Variants in GABRB3 observed in about 807,000 individuals in gnomAD.
GABRB3 encodes the protein gamma-aminobutyric acid receptor subunit beta-3.
A neutral mutation model predicts 52.1 loss-of-function variants in GABRB3; 14 were observed. That is an observed-to-expected ratio of 0.27 (90% CI 0.18 to 0.42). The LOEUF (loss-of-function observed/expected upper bound fraction) is 0.42, where lower values mean the gene tolerates loss of function less well. GABRB3 is among the 10% of genes least tolerant of loss of function. The pLI is 1.00. For synonymous variants in GABRB3, 260 were observed against 232.3 expected (o/e 1.12, Z -1.08); for missense variants, 307 against 609.1 (o/e 0.50, Z 5.22).
At chr15:26,772,312 A>T in intron 3 of GABRB3, 90 bp downstream of exon 3, 4 of 1,164,750 alleles carry the variant, frequency 3.4e-6, no homozygotes, top group Non-Finnish European at 4.9e-6. Context: ...GCCCCGGCCG[A>T]AGAGGCCTCC....
At chr15:26,548,356 T>A (rs1889338424) in intron 8 of GABRB3, among the ~76,000 whole-genome samples, 1 of 152,256 alleles carries the variant, frequency 6.6e-6, no homozygotes, top group East Asian at 1.9e-4. Context: ...ATGTAAGAGA[T>A]TAGATGAAAT....
intron 3 of GABRB3, among the ~76,000 whole-genome samples, chr15:26,748,838 C>T (rs1890421647): frequency 6.6e-6 from 1 of 152,000 alleles, no homozygotes; most frequent in Admixed American, 6.6e-5. Flanking sequence ...CCAGCCTTGC[C>T]AACGTGGTGA....
chr15:26,755,206 C>T (rs1025349782), intron 3 of GABRB3, among the ~76,000 whole-genome samples: 10 of 151,900 alleles, frequency 6.6e-5, no homozygotes, highest in Non-Finnish European at 1.3e-4. Context: ...GGGGTTTCAC[C>T]ATGTTGGCCA....
rs369717607 is a variant in GABRB3, at chr15:26,769,576, A to G, written c.240+2826T>C. ...CTTCGTCTCTGGAATCTCCCCTTCT[A>G]AATCTCTGATCCTGCTCATCCACCC... On this transcript the variant is annotated intron_variant, in intron 3 of 8. Transcript: ENST00000311550. 2.7e-3 allele frequency among the ~76,000 whole-genome samples: 411 copies of G among 152,250 alleles called. 4 individuals are homozygous for G. Among genetic ancestry groups the G allele is most frequent in the South Asian group, 0.026 (126 of 4,814 alleles).
chr15:26,548,156 A>G lies in GABRB3; in HGVS notation c.1081-22T>C, dbSNP rs1889330162. The G allele has an allele frequency of 3.8e-6, 6 of 1,578,870 alleles. No individual in the cohort carries two copies. In the East Asian group the frequency reaches 1.3e-4, roughly 35 times the overall value. ...CCACCTAATTGGACGGAAAATGCAC[A>G]TGGTTAGACAGCCAGCAGCATAATT... On this transcript the variant is annotated intron_variant, in intron 8 of 8. Coordinates refer to ENST00000311550, the MANE Select transcript of GABRB3 (RefSeq NM_000814.6).
At chr15:26,652,001 C>G (rs920001967) in intron 3 of GABRB3, among the ~76,000 whole-genome samples, 5 of 152,092 alleles carry the variant, frequency 3.3e-5, no homozygotes, top group Non-Finnish European at 7.4e-5. Flanking sequence ...TAACTGAGAG[C>G]CTGACACCTT....
intron 3 of GABRB3, among the ~76,000 whole-genome samples, chr15:26,740,137 C>A (rs1439827627): frequency 2.0e-5 from 3 of 152,198 alleles, no homozygotes; most frequent in Admixed American, 6.5e-5. Context: ...GACTTGAGAT[C>A]CCCCCACCAT....
chr15:26,771,881 G>A (rs1891154874), intron 3 of GABRB3: 1 of 152,620 alleles, frequency 6.6e-6, no homozygotes, highest in African/African-American at 2.4e-5. Flanking sequence ...CCAGGAGGCA[G>A]CCTTGGAAAA....
At chr15:26,655,407 T>TG (rs1178264413) in intron 3 of GABRB3, among the ~76,000 whole-genome samples, 2 of 152,154 alleles carry the variant, frequency 1.3e-5, no homozygotes, top group Non-Finnish European at 2.9e-5. Flanking sequence ...GGATGCAGAC[T>TG]GGGGGTGAAT....
chr15:26,637,846 C>T (rs551802062), intron 3 of GABRB3, among the ~76,000 whole-genome samples: 1 of 152,226 alleles, frequency 6.6e-6, no homozygotes, highest in African/African-American at 2.4e-5. Flanking sequence ...ATTGCACCAG[C>T]TCTATGAGGA....
intron 4 of GABRB3, among the ~76,000 whole-genome samples, chr15:26,617,123 T>A (rs1021880381): frequency 5.3e-5 from 8 of 152,144 alleles, no homozygotes; most frequent in African/African-American, 1.7e-4. Flanking sequence ...CAGCACCAGA[T>A]GGATTCACAG....
At chr15:26,596,069 G>A (rs530988849) in intron 4 of GABRB3, among the ~76,000 whole-genome samples, 4 of 152,214 alleles carry the variant, frequency 2.6e-5, no homozygotes, top group East Asian at 3.9e-4. Context: ...ATGTACAGAC[G>A]TGCCCACTGC....
intron 3 of GABRB3, among the ~76,000 whole-genome samples, chr15:26,697,353 C>T (rs894140839): frequency 5.9e-5 from 9 of 152,198 alleles, no homozygotes; most frequent in African/African-American, 2.2e-4. Context: ...AAGTAAATTA[C>T]TAGATTTCTG....
chr15:26,670,925 C>T (rs1427744451), intron 3 of GABRB3, among the ~76,000 whole-genome samples: 1 of 151,828 alleles, frequency 6.6e-6, no homozygotes, highest in Non-Finnish European at 1.5e-5. Flanking sequence ...TTCAGAGAAA[C>T]GTCGCTCAGT....
chr15:26,626,991 G>A (rs144428912), intron 3 of GABRB3, among the ~76,000 whole-genome samples: 120 of 152,226 alleles, frequency 7.9e-4, no homozygotes, highest in African/African-American at 2.5e-3. Context: ...GTCTGGCTTC[G>A]GAGCTTCAAA....
intron 3 of GABRB3, among the ~76,000 whole-genome samples, chr15:26,672,824 AG>A (rs1261240891): frequency 6.6e-6 from 1 of 152,204 alleles, no homozygotes; most frequent in African/African-American, 2.4e-5. Context: ...TATGTGATGG[AG>A]GAAGAATGAT....
chr15:26,675,387 C>T (rs143125746), intron 3 of GABRB3, among the ~76,000 whole-genome samples: 5 of 152,234 alleles, frequency 3.3e-5, no homozygotes, highest in East Asian at 1.9e-4. Context: ...ACCAGGAACC[C>T]GTTTAAAGAC....
At chr15:26,607,834 T>C (rs1891896050) in intron 4 of GABRB3, among the ~76,000 whole-genome samples, 2 of 151,916 alleles carry the variant, frequency 1.3e-5, no homozygotes, top group Admixed American at 1.3e-4. Context: ...TAAAAAAAGA[T>C]ACAAATGAAA....
intron 3 of GABRB3, among the ~76,000 whole-genome samples, chr15:26,664,544 AATTT>A (rs140193127): frequency 0.01 from 1,586 of 151,952 alleles, 26 homozygotes; most frequent in African/African-American, 0.033. Flanking sequence ...TATTAAAAGC[AATTT>A]ATTTATTTAT....
Sources: allele counts gnomAD v4.1 joint callset (sites outside exome capture counted in the v4.1 genomes callset), GRCh38; gene constraint gnomAD v4.1.1; transcripts MANE v1.5; gene names NCBI Gene and HGNC (gene_info 2026-07-23, HGNC 2026-07-21).